ITGA9: variants seen among roughly 807,000 people sequenced by gnomAD.
ITGA9 encodes integrin subunit alpha 9, also known as integrin alpha-9.
Under a neutral mutation model 127.8 loss-of-function variants are expected in ITGA9, and 56 were observed. That is an observed-to-expected ratio of 0.44 (90% CI 0.35 to 0.55). ITGA9 has a LOEUF of 0.55. ITGA9 is among the 20% of genes least tolerant of loss of function. The pLI is 0.00. For missense variants in ITGA9, 1,196 were observed against 1,347.1 expected, an observed-to-expected ratio of 0.89 and a Z score of 1.76; for synonymous variants, 508 against 514.5, an observed-to-expected ratio of 0.99 and a Z score of 0.17.
intron 23 of ITGA9, among the ~76,000 whole-genome samples, chr3:37,775,416 G>A (rs1160029748): frequency 4.6e-5 from 7 of 152,028 alleles, no homozygotes; most frequent in South Asian, 2.1e-4. Flanking sequence ...AGGCCGAGGC[G>A]GGCGGATCAT....
chr3:37,720,417 A>G (rs1701179234), intron 18 of ITGA9, among the ~76,000 whole-genome samples: 1 of 152,208 alleles, frequency 6.6e-6, no homozygotes, highest in African/African-American at 2.4e-5. Flanking sequence ...GTTTTCCGTC[A>G]GCCTATAAGG....
At position 37,741,710 on chromosome 3, in the gene ITGA9, A is replaced by C; in HGVS notation, c.2235-20A>C. ...AGCTAGTGTTGGCCAGCGTTCATTC[A>C]TTCTCCTCTCTCTGCACAGTGGCAA... On this transcript the variant is annotated intron_variant, in intron 20 of 27. Coordinates refer to ENST00000264741, the MANE Select transcript of ITGA9 (RefSeq NM_002207.3). 6.2e-7 allele frequency: 1 copy of C among 1,605,050 alleles called. No homozygotes were observed. Among genetic ancestry groups the C allele is most frequent in the Non-Finnish European group, 8.5e-7 (1 of 1,173,150 alleles).
chr3:37,694,568 G>T (rs922638298), intron 18 of ITGA9, among the ~76,000 whole-genome samples: 1 of 152,240 alleles, frequency 6.6e-6, no homozygotes, highest in Non-Finnish European at 1.5e-5. Context: ...TGGAAGGAAG[G>T]CTATGTTTTG....
chr3:37,797,866 G>A (rs928937978), intron 26 of ITGA9, among the ~76,000 whole-genome samples: 6 of 151,290 alleles, frequency 4.0e-5, no homozygotes, highest in East Asian at 1.9e-4. Context: ...GCTAATTTTT[G>A]TAGAGACGGG....
At chr3:37,519,474 C>T (rs3733140) in intron 11 of ITGA9, 120 bp downstream of exon 11, 1 of 774,278 alleles carries the variant, frequency 1.3e-6, no homozygotes, top group African/African-American at 1.7e-5. Flanking sequence ...TTGCCTTGGC[C>T]TTCCTACCCT....
chr3:37,672,720 AT>A (rs938964879), intron 17 of ITGA9, among the ~76,000 whole-genome samples: 19 of 152,178 alleles, frequency 1.2e-4, no homozygotes, highest in Non-Finnish European at 2.5e-4. Context: ...ACCACAGGGG[AT>A]TACCTATGTT....
At chr3:37,616,750 G>A (rs1204839706) in intron 15 of ITGA9, among the ~76,000 whole-genome samples, 5 of 152,088 alleles carry the variant, frequency 3.3e-5, no homozygotes, top group African/African-American at 7.2e-5. Flanking sequence ...ATCTTTGTTG[G>A]TTTAAAGTCT....
intron 17 of ITGA9, among the ~76,000 whole-genome samples, chr3:37,654,014 A>G (rs1700453232): frequency 6.6e-6 from 1 of 152,210 alleles, no homozygotes; most frequent in Non-Finnish European, 1.5e-5. Flanking sequence ...GCAATTCCAC[A>G]TATCTCACAA....
At chr3:37,501,482 C>T (rs532991515) in intron 5 of ITGA9, among the ~76,000 whole-genome samples, 4 of 152,168 alleles carry the variant, frequency 2.6e-5, no homozygotes, top group South Asian at 2.1e-4. Flanking sequence ...ATGCAGAGTT[C>T]GATGAGTTTT....
intron 18 of ITGA9, among the ~76,000 whole-genome samples, chr3:37,729,782 C>T (rs2125527163): frequency 6.9e-6 from 1 of 145,682 alleles, no homozygotes; most frequent in East Asian, 2.0e-4. Flanking sequence ...CGGCTCACTG[C>T]AACCTCCACC....
At chr3:37,476,146 A>G (rs1698491628) in intron 3 of ITGA9, among the ~76,000 whole-genome samples, 2 of 152,202 alleles carry the variant, frequency 1.3e-5, no homozygotes, top group South Asian at 4.1e-4. Context: ...GAATGCTGCT[A>G]TAAATGTGTA....
intron 17 of ITGA9, among the ~76,000 whole-genome samples, chr3:37,680,254 G>A (rs1054339587): frequency 5.3e-5 from 8 of 152,112 alleles, no homozygotes; most frequent in Admixed American, 2.0e-4. Flanking sequence ...TATCATGCTG[G>A]CACATCACAT....
intron 15 of ITGA9, among the ~76,000 whole-genome samples, chr3:37,572,914 G>A (rs1699616269): frequency 6.6e-6 from 1 of 152,190 alleles, no homozygotes; most frequent in South Asian, 2.1e-4. Flanking sequence ...AATCATGTCT[G>A]TAAAATGAAG....
In ITGA9 at chr3:37,657,263, T is replaced by C. The variant is rs534467078; in HGVS notation, c.1916+3473T>C. The stretch of plus-strand genomic sequence containing the variant: ...TTGAATGGAATAGTTTCAGAAGGAA[T>C]GATACCAGATCCTCTTTGTACCTCT... On this transcript the variant is annotated intron_variant, in intron 17 of 27. Coordinates refer to ENST00000264741, the MANE Select transcript of ITGA9 (RefSeq NM_002207.3). Among the ~76,000 whole-genome samples the C allele has an allele frequency of 2.0e-3, 298 of 152,354 alleles. 1 individual carries two copies. The highest frequency in any genetic ancestry group is 6.8e-3 in the Middle Eastern group (2 of 294).
chr3:37,736,966 C>CA lies in ITGA9; in HGVS notation c.2218dup (p.Ile740AsnfsTer13). 6.2e-7 allele frequency: 1 copy of CA among 1,611,036 alleles called. No individual in the cohort carries two copies. Among genetic ancestry groups the CA allele is most frequent in the Non-Finnish European group, 8.5e-7 (1 of 1,177,226 alleles). ...CTGGGGAAGAGGAAGTTCTCAGCTT[C>CA]ATTGTTACTGCTCAGAGGTAAGGGG... is the stretch of plus-strand genomic sequence containing the variant. On this transcript the variant is annotated frameshift_variant, in exon 20 of 28. Coordinates refer to ENST00000264741, the MANE Select transcript of ITGA9 (RefSeq NM_002207.3). LOFTEE classifies it high-confidence loss of function.
At chr3:37,779,197 C>T (rs938802621) in intron 24 of ITGA9, among the ~76,000 whole-genome samples, 1 of 152,118 alleles carries the variant, frequency 6.6e-6, no homozygotes, top group Non-Finnish European at 1.5e-5. Flanking sequence ...TTCTGCCTCT[C>T]GGGTTCATGC....
chr3:37,466,483 CAAAA>C (rs60980366), intron 1 of ITGA9, among the ~76,000 whole-genome samples: 2 of 26,062 alleles, frequency 7.7e-5, no homozygotes, highest in African/African-American at 1.9e-4. Context: ...GACACCATCT[CAAAA>C]AAAAAAAAAA....
In ITGA9 at chr3:37,683,988, G is replaced by A. The variant is rs1426576586; in HGVS notation, c.2040G>A (p.Glu680=). ...DANVSFNVSR[E]LFFINMWQKE... ...ACGTGTCCTTCAATGTTTCCCGGGA[G>A]CTCTTCTTCATCAACATGTGGCAGA... Residue 680 remains glutamate, a synonymous_variant, in exon 18 of 28, where the codon GAG becomes GAA. Coordinates refer to ENST00000264741, the MANE Select transcript of ITGA9 (RefSeq NM_002207.3). The A allele has an allele frequency of 4.3e-6, 7 of 1,613,894 alleles. No individual in the cohort carries two copies. The highest frequency in any genetic ancestry group is 5.9e-6 in the Non-Finnish European group (7 of 1,179,994).
chr3:37,747,724 T>TG (rs35660877), intron 22 of ITGA9, among the ~76,000 whole-genome samples: 9,435 of 151,648 alleles, frequency 0.062, 596 homozygotes, highest in African/African-American at 0.15. Context: ...TTCTTTTTTT[T>TG]TTTTGTTTTG....
Sources: allele counts gnomAD v4.1 joint callset (sites outside exome capture counted in the v4.1 genomes callset), GRCh38; gene constraint gnomAD v4.1.1; transcripts MANE v1.5; gene names NCBI Gene and HGNC (gene_info 2026-07-23, HGNC 2026-07-21).